The following RBFOX3 variants were observed in gnomAD, a reference collection of about 807,000 sequenced individuals.
RBFOX3 encodes RNA binding fox-1 homolog 3, also known as RNA binding protein fox-1 homolog 3.
In RBFOX3, 17 loss-of-function variants were observed where a neutral mutation model predicts 48.7. The ratio of observed to expected loss-of-function variants is 0.35; its 90% CI spans 0.24 to 0.52. The LOEUF is 0.52. Ranked by LOEUF, RBFOX3 falls within the 20% of genes least tolerant of loss-of-function variation. The probability of loss-of-function intolerance (pLI) is 0.94; values close to 1 mark genes in which losing one functional copy is unlikely to be tolerated. For missense variants in RBFOX3, 382 were observed against 497.5 expected, an observed-to-expected ratio of 0.77 and a Z score of 2.21; for synonymous variants, 212 against 209.5, an observed-to-expected ratio of 1.01 and a Z score of -0.10.
At position 79,609,415 on chromosome 17, in the gene RBFOX3, A is replaced by G. The variant is rs1042612553; in HGVS notation, c.-320+1411T>C. On this transcript the variant is annotated intron_variant, in intron 1 of 14. Coordinates refer to ENST00000693108, the MANE Select transcript of RBFOX3 (RefSeq NM_001350451.2). ...CGACTTCACCACCAGCTGGGGCAGGAAGGGGGACTTAAACCCAGGGATGGA... is the reference window on the plus strand; with the variant it reads ...CGACTTCACCACCAGCTGGGGCAGGGAGGGGGACTTAAACCCAGGGATGGA... Among the ~76,000 whole-genome samples the G allele has an allele frequency of 6.0e-3, 917 of 152,156 alleles. 18 individuals are homozygous for G. Among genetic ancestry groups the G allele is most frequent in the East Asian group, 0.025 (127 of 5,152 alleles).
chr17:79,146,916 T>C, intron 4 of RBFOX3, among the ~76,000 whole-genome samples: 1 of 152,210 alleles, frequency 6.6e-6, no homozygotes. Flanking sequence ...GGCAGCTCCT[T>C]GGCTGCCCCC....
At chr17:79,336,125 G>A (rs941698835) in intron 2 of RBFOX3, among the ~76,000 whole-genome samples, 9 of 152,068 alleles carry the variant, frequency 5.9e-5, no homozygotes, top group Admixed American at 1.3e-4. Context: ...AGTGGCTCTC[G>A]CCTGTAATCC....
chr17:79,526,002 T>C (rs1190583689), intron 1 of RBFOX3, among the ~76,000 whole-genome samples: 1 of 152,150 alleles, frequency 6.6e-6, no homozygotes, highest in Non-Finnish European at 1.5e-5. Flanking sequence ...GCTCAAAGGT[T>C]TGCCTCCAGG....
At chr17:79,515,936 C>A (rs1444390650) in intron 1 of RBFOX3, 5 of 152,316 alleles carry the variant, frequency 3.3e-5, no homozygotes, top group Non-Finnish European at 7.3e-5. Flanking sequence ...AGAAACCTAG[C>A]TTTAATCGAG....
At chr17:79,162,517 T>A (rs374306445) in intron 4 of RBFOX3, among the ~76,000 whole-genome samples, 3 of 152,370 alleles carry the variant, frequency 2.0e-5, no homozygotes, top group African/African-American at 7.2e-5. Context: ...GGCAGGAGCA[T>A]AATTTTTCCT....
chr17:79,605,637 CA>C (rs1162111154), intron 1 of RBFOX3, among the ~76,000 whole-genome samples: 1 of 152,232 alleles, frequency 6.6e-6, no homozygotes, highest in Non-Finnish European at 1.5e-5. Flanking sequence ...AGCCGCTAAC[CA>C]AAGCAATAAG....
chr17:79,126,277 G>A (rs150830321), intron 4 of RBFOX3, among the ~76,000 whole-genome samples: 5 of 152,222 alleles, frequency 3.3e-5, no homozygotes, highest in African/African-American at 7.2e-5. Flanking sequence ...CAGGACAGAC[G>A]GATGTCCACT....
At chr17:79,513,039 C>T (rs995559301) in intron 1 of RBFOX3, among the ~76,000 whole-genome samples, 14 of 150,560 alleles carry the variant, frequency 9.3e-5, no homozygotes, top group South Asian at 2.1e-4. Context: ...GTGTTACCAT[C>T]GGGTACGGCC....
chr17:79,097,423 C>T lies in RBFOX3; in HGVS notation c.624G>A (p.Val208=). The T allele has an allele frequency of 1.3e-6, 2 of 1,545,242 alleles. No individual in the cohort carries two copies. The highest frequency in any genetic ancestry group is 1.7e-6 in the Non-Finnish European group (2 of 1,144,424). Reference sequence around the variant, plus strand: ...CGGTGGTGGGGTAGGGGAACCCCGTCACTGCAGGAAACGGGGCCCGAGACA... The same window carrying T: ...CGGTGGTGGGGTAGGGGAACCCCGTTACTGCAGGAAACGGGGCCCGAGACA... ...GAVYGPEFYA[V]TGFPYPTTGT... is the part of the protein sequence containing the mutation. The change falls in exon 11 of 15, where the codon GTG becomes GTA. Residue 208 remains valine (V), a splice_region_variant and synonymous_variant. Coordinates refer to ENST00000693108, the MANE Select transcript of RBFOX3 (RefSeq NM_001350451.2).
rs2090054 is a variant in RBFOX3 at position 79,471,346 on chromosome 17, C to G, written c.-175+11108G>C. On this transcript the variant is annotated intron_variant, in intron 2 of 14. Coordinates refer to ENST00000693108, the MANE Select transcript of RBFOX3 (RefSeq NM_001350451.2). This position sits in a 1 kb window ranked among gnomAD's most constrained non-coding sequence, Gnocchi z 4.0. ...GCATTTTGCAAAGAGCGTGCAGGGCCGGGCAAAATACTAAATAATTCAAAA... is the reference window on the plus strand; with the variant it reads ...GCATTTTGCAAAGAGCGTGCAGGGCGGGGCAAAATACTAAATAATTCAAAA... Among the ~76,000 whole-genome samples, 1 of 152,056 alleles carries G rather than the reference C, an allele frequency of 6.6e-6. No individual in the cohort carries two copies. Among genetic ancestry groups the G allele is most frequent in the Admixed American group, 6.5e-5 (1 of 15,272 alleles).
chr17:79,632,756 A>G, the RBFOX3 span, among the ~76,000 whole-genome samples: 1 of 151,170 alleles, frequency 6.6e-6, no homozygotes, highest in African/African-American at 2.4e-5. Flanking sequence ...AAAAAAAAAA[A>G]AAAAAGTTAG....
Position 79,398,475 on chromosome 17 carries a change from G to T in RBFOX3, c.-175+83979C>A, listed in dbSNP as rs568485781. ...AACATACGTACACCACATAAACCAC[G>T]TCAGCGGCTCTCCACCGAGAGTAAT... On this transcript the variant is annotated intron_variant, in intron 2 of 14. Coordinates refer to ENST00000693108, the MANE Select transcript of RBFOX3 (RefSeq NM_001350451.2). Among the ~76,000 whole-genome samples, 6 of 116,912 alleles carry T rather than the reference G, an allele frequency of 5.1e-5. No individual in the cohort carries two copies. The South Asian group carries it at 1.6e-3, about 32-fold the overall frequency. 76.7% of individuals were successfully genotyped at this position (116,912 alleles called of 152,430 possible).
intron 4 of RBFOX3, among the ~76,000 whole-genome samples, chr17:79,200,449 C>T (rs896162393): frequency 6.6e-6 from 1 of 152,222 alleles, no homozygotes; most frequent in Admixed American, 6.5e-5. Flanking sequence ...AAGAAGAAAC[C>T]AGCCCCACAG....
intron 2 of RBFOX3, among the ~76,000 whole-genome samples, chr17:79,345,528 C>T (rs569242903): frequency 3.9e-5 from 6 of 152,254 alleles, no homozygotes; most frequent in South Asian, 2.1e-4. Context: ...GGAAGTTAAA[C>T]GCTACTCATT....
rs1311572928 is a variant in RBFOX3, at chr17:79,480,404, A to C, written c.-175+2050T>G. ...CGCTCGTCAGCTGTCCCTTGCTTCCACTCTGTCCCCCTCACAGAAGGCAGA... is the reference window on the plus strand; with the variant it reads ...CGCTCGTCAGCTGTCCCTTGCTTCCCCTCTGTCCCCCTCACAGAAGGCAGA... On this transcript the variant is annotated intron_variant, in intron 2 of 14. Transcript: ENST00000693108. The surrounding 1 kb of genome is among the most constrained non-coding windows in gnomAD (Gnocchi z 4.8). Among the ~76,000 whole-genome samples the C allele has an allele frequency of 6.6e-6, 1 of 151,780 alleles. No individual in the cohort carries two copies. Among genetic ancestry groups the C allele is most frequent in the Non-Finnish European group, 1.5e-5 (1 of 67,912 alleles).
chr17:79,315,346 A>G (rs538249206), intron 2 of RBFOX3, among the ~76,000 whole-genome samples: 1 of 152,304 alleles, frequency 6.6e-6, no homozygotes, highest in East Asian at 1.9e-4. Context: ...TCTTCTGAGC[A>G]AAGCATTCTC....
intron 4 of RBFOX3, among the ~76,000 whole-genome samples, chr17:79,172,547 C>A (rs915861035): frequency 6.6e-6 from 1 of 152,188 alleles, no homozygotes; most frequent in African/African-American, 2.4e-5. Context: ...GATGGCGATT[C>A]CAAGGGAGGC....
In RBFOX3 at chr17:79,233,391, A is replaced by G. The variant is rs1413014129; in HGVS notation, c.-34+2375T>C. On this transcript the variant is annotated intron_variant, in intron 4 of 14. Transcript: ENST00000693108. ...GAGGAAGAGATTACAAAGAGGCACA[A>G]TGTAATGGTTGGGGGTGATGAATAC... Among the ~76,000 whole-genome samples, 14 of 152,178 alleles carry G rather than the reference A, an allele frequency of 9.2e-5. No individual in the cohort carries two copies. In the East Asian group the frequency reaches 2.7e-3, roughly 29 times the overall value.
chr17:79,468,531 C>G (rs930980741), intron 2 of RBFOX3, among the ~76,000 whole-genome samples: 2 of 151,010 alleles, frequency 1.3e-5, no homozygotes, highest in African/African-American at 4.9e-5. Context: ...GTAGATAGAT[C>G]GGTAGCAGAT....
Sources: allele counts gnomAD v4.1 joint callset (sites outside exome capture counted in the v4.1 genomes callset), GRCh38; gene constraint gnomAD v4.1.1; non-coding constraint Gnocchi (gnomAD v3.1); transcripts MANE v1.5; gene names NCBI Gene and HGNC (gene_info 2026-07-23, HGNC 2026-07-21).